The following SYT2 variants were observed in gnomAD, a reference collection of about 807,000 sequenced individuals.
The protein encoded by SYT2 is synaptotagmin 2, also known as synaptotagmin-2.
In SYT2, 15 loss-of-function variants were observed where a neutral mutation model predicts 39.9. That is an observed-to-expected ratio of 0.38 (90% CI 0.25 to 0.58). The LOEUF (loss-of-function observed/expected upper bound fraction) is 0.58, where lower values mean the gene tolerates loss of function less well. Ranked by LOEUF, SYT2 falls within the 20% of genes least tolerant of loss-of-function variation. The pLI is 0.70. For synonymous variants in SYT2, 181 were observed against 204.5 expected, an observed-to-expected ratio of 0.89 and a Z score of 0.98; for missense variants, 389 against 530.3, an observed-to-expected ratio of 0.73 and a Z score of 2.62.
chr1:202,602,955 C>T, intron 4 of SYT2, 44 bp downstream of exon 4: 1 of 1,575,238 alleles, frequency 6.3e-7, no homozygotes, highest in Admixed American at 1.8e-5. Context: ...AACTCCCAGG[C>T]CTCTCCCCAT....
intron 1 of SYT2, among the ~76,000 whole-genome samples, chr1:202,636,979 C>T (rs1691755439): frequency 6.6e-6 from 1 of 152,186 alleles, no homozygotes; most frequent in African/African-American, 2.4e-5. Flanking sequence ...ACCACAGTGC[C>T]AAGCACATGC....
rs538276235 is a variant in SYT2, at chr1:202,628,937, C to T, written c.-17-23148G>A. On this transcript the variant is annotated intron_variant, in intron 1 of 8. Transcript: ENST00000367268. The surrounding 1 kb of genome is among the most constrained non-coding windows in gnomAD (Gnocchi z 4.2). ...TTAACCTCTCTGGGCCTCAGCACTC[C>T]GTCTGCAAAATGGGAATGATAATGG... is the stretch of plus-strand genomic sequence containing the variant. 2.1e-4 allele frequency among the ~76,000 whole-genome samples: 32 copies of T among 152,276 alleles called. No individual in the cohort carries two copies. The South Asian group carries it at 2.7e-3, about 13-fold the overall frequency.
chr1:202,593,126 C>T lies in SYT2; in HGVS notation c.*3631G>A, dbSNP rs988804683. The T allele has an allele frequency of 6.6e-6, 1 of 152,206 alleles. No individual in the cohort carries two copies. Among genetic ancestry groups the T allele is most frequent in the Non-Finnish European group, 1.5e-5 (1 of 68,068 alleles). The allele number at this position is 152,206 out of a possible 1,614,324, so 9.4% of individuals were successfully genotyped here. A position where few individuals can be genotyped will look rare whatever the true frequency, so the allele number is the denominator to read the frequency against. On this transcript the variant is annotated 3_prime_UTR_variant, in exon 9 of 9. Coordinates refer to ENST00000367268, the MANE Select transcript of SYT2 (RefSeq NM_177402.5). ...AGGAAAGGGAAGGGAAGGGGCAGAG[C>T]AGAGGATATGAGGGCAGTTCCTGGC...
intron 1 of SYT2, among the ~76,000 whole-genome samples, chr1:202,668,207 G>A (rs1168746648): frequency 6.6e-6 from 1 of 152,176 alleles, no homozygotes; most frequent in Non-Finnish European, 1.5e-5. Context: ...GGAGACATGG[G>A]CTCACACATC....
intron 1 of SYT2, among the ~76,000 whole-genome samples, chr1:202,677,583 G>C (rs1481082726): frequency 1.3e-5 from 2 of 152,212 alleles, no homozygotes; most frequent in Non-Finnish European, 2.9e-5. Flanking sequence ...GTTGAAAGTA[G>C]ATCCTCCAGG....
At chr1:202,671,904 T>C (rs1261101951) in intron 1 of SYT2, among the ~76,000 whole-genome samples, 1 of 152,124 alleles carries the variant, frequency 6.6e-6, no homozygotes, top group Non-Finnish European at 1.5e-5. Context: ...AAAGAAAAAT[T>C]TCTCTCCAGG....
At chr1:202,674,771 G>C (rs1434165910) in intron 1 of SYT2, among the ~76,000 whole-genome samples, 1 of 152,098 alleles carries the variant, frequency 6.6e-6, no homozygotes, top group Non-Finnish European at 1.5e-5. Context: ...ACTGGCCGCA[G>C]CTCTGCTCTC....
At chr1:202,632,379 A>T (rs1199859981) in intron 1 of SYT2, 3 of 196,096 alleles carry the variant, frequency 1.5e-5, no homozygotes, top group Non-Finnish European at 2.8e-5. Context: ...ATAGTGAGAC[A>T]CGCAGATATT....
chr1:202,621,605 G>C (rs1429452770), intron 1 of SYT2, among the ~76,000 whole-genome samples: 36 of 152,214 alleles, frequency 2.4e-4, no homozygotes, highest in African/African-American at 8.2e-4. Flanking sequence ...ATGAGCCACT[G>C]CGCCCAGCCA....
At chr1:202,602,272 T>C (rs936913987) in intron 5 of SYT2, 106 bp downstream of exon 5, 1 of 1,360,242 alleles carries the variant, frequency 7.4e-7, no homozygotes, top group Admixed American at 2.0e-5. Context: ...AAGGCTGCCA[T>C]TGTTCCAGGC....
chr1:202,703,191 T>C (rs1245556738), intron 1 of SYT2, among the ~76,000 whole-genome samples: 1 of 152,068 alleles, frequency 6.6e-6, no homozygotes. Flanking sequence ...TGGCTGACCT[T>C]GGGGAAGGCA....
At chr1:202,709,626 TGAGATTTG>T (rs1654342352) in intron 1 of SYT2, among the ~76,000 whole-genome samples, 1 of 151,992 alleles carries the variant, frequency 6.6e-6, no homozygotes, top group Non-Finnish European at 1.5e-5. Flanking sequence ...TGCTGAGTCA[TGAGATTTG>T]GAGAGAGGGG....
intron 1 of SYT2, among the ~76,000 whole-genome samples, chr1:202,615,014 A>C (rs1690994603): frequency 6.6e-6 from 1 of 152,322 alleles, no homozygotes; most frequent in African/African-American, 2.4e-5. Context: ...CGTGAGTAAA[A>C]AGACTAGGGT....
chr1:202,660,947 GCTT>G (rs1437026779), intron 1 of SYT2, among the ~76,000 whole-genome samples: 1 of 152,136 alleles, frequency 6.6e-6, no homozygotes, highest in African/African-American at 2.4e-5. Context: ...CTAGTGCTTT[GCTT>G]CTTCTGCCAC....
At chr1:202,618,639 C>A (rs1691117142) in intron 1 of SYT2, among the ~76,000 whole-genome samples, 1 of 152,146 alleles carries the variant, frequency 6.6e-6, no homozygotes, top group Non-Finnish European at 1.5e-5. Context: ...TTCCTAAACC[C>A]TCGAGTTGAG....
At chr1:202,640,097 A>T (rs1691855757) in intron 1 of SYT2, among the ~76,000 whole-genome samples, 1 of 152,186 alleles carries the variant, frequency 6.6e-6, no homozygotes, top group African/African-American at 2.4e-5. Flanking sequence ...ACCTAGATAT[A>T]TCTACCTGCA....
chr1:202,673,698 G>A (rs1013538176), intron 1 of SYT2, among the ~76,000 whole-genome samples: 1 of 152,160 alleles, frequency 6.6e-6, no homozygotes, highest in Admixed American at 6.5e-5. Flanking sequence ...CCCAGCTGCC[G>A]GCACACCCCT....
In SYT2 at chr1:202,591,311, T is replaced by G. The variant is rs939031398; in HGVS notation, c.*5446A>C. 1.3e-5 allele frequency: 2 copies of G among 152,806 alleles called. No homozygotes were observed. Among genetic ancestry groups the G allele is most frequent in the African/African-American group, 4.8e-5 (2 of 41,472 alleles). 9.5% of individuals were successfully genotyped at this position (152,806 alleles called of 1,614,324 possible). A position where few individuals can be genotyped will look rare whatever the true frequency, so the allele number is the denominator to read the frequency against. On this transcript the variant is annotated 3_prime_UTR_variant, in exon 9 of 9. Coordinates refer to ENST00000367268, the MANE Select transcript of SYT2 (RefSeq NM_177402.5). Reference sequence around the variant, plus strand: ...CCCGTTCTCTCTCCTTCCTCATACTTGTCACAGTTGCCAGGCCTGAGGCAT... The same window carrying G: ...CCCGTTCTCTCTCCTTCCTCATACTGGTCACAGTTGCCAGGCCTGAGGCAT...
chr1:202,621,526 G>C (rs1475502612), intron 1 of SYT2, among the ~76,000 whole-genome samples: 1 of 152,112 alleles, frequency 6.6e-6, no homozygotes, highest in Non-Finnish European at 1.5e-5. Context: ...TGAACTCCTG[G>C]CCTCATGAAC....
Sources: allele counts gnomAD v4.1 joint callset (sites outside exome capture counted in the v4.1 genomes callset), GRCh38; gene constraint gnomAD v4.1.1; non-coding constraint Gnocchi (gnomAD v3.1); transcripts MANE v1.5; gene names NCBI Gene and HGNC (gene_info 2026-07-23, HGNC 2026-07-21).